DCLK1: variants seen among roughly 807,000 people sequenced by gnomAD.
DCLK1 encodes the protein doublecortin like kinase 1.
DCLK1 carries 16 observed loss-of-function variants against 86.2 expected under a neutral mutation model. That is an observed-to-expected ratio of 0.19 (90% CI 0.13 to 0.28). The LOEUF (loss-of-function observed/expected upper bound fraction) is 0.28, where lower values mean the gene tolerates loss of function less well. Ranked by LOEUF, DCLK1 falls within the 10% of genes least tolerant of loss-of-function variation. The pLI is 1.00. For synonymous variants in DCLK1, 369 were observed against 370.5 expected, an observed-to-expected ratio of 1.00 and a Z score of 0.05; for missense variants, 590 against 940.2, an observed-to-expected ratio of 0.63 and a Z score of 4.87.
At chr13:35,890,918 A>C (rs1027183636) in intron 4 of DCLK1, among the ~76,000 whole-genome samples, 1 of 151,112 alleles carries the variant, frequency 6.6e-6, no homozygotes, top group Non-Finnish European at 1.5e-5. Context: ...AAATATTCCA[A>C]TCAATATATT....
At chr13:35,929,863 CTTTTTTT>C (rs375433797) in intron 4 of DCLK1, among the ~76,000 whole-genome samples, 2 of 142,124 alleles carry the variant, frequency 1.4e-5, no homozygotes, top group African/African-American at 2.6e-5. Flanking sequence ...CATTTTTTTT[CTTTTTTT>C]TTTTTTTACT....
intron 9 of DCLK1, 65 bp downstream of exon 9, chr13:35,828,185 T>C (rs1868642821): frequency 1.5e-6 from 2 of 1,335,666 alleles, no homozygotes; most frequent in South Asian, 1.2e-5. Context: ...TGTTTGGGAG[T>C]GATCTTTGTG....
chr13:36,064,242 A>G (rs1009657780), intron 3 of DCLK1, among the ~76,000 whole-genome samples: 7 of 152,244 alleles, frequency 4.6e-5, no homozygotes, highest in Admixed American at 2.0e-4. Flanking sequence ...CACTGAATAC[A>G]CTGCAGCAAA....
chr13:35,821,341 T>C (rs1171176526), intron 11 of DCLK1, among the ~76,000 whole-genome samples: 1 of 152,086 alleles, frequency 6.6e-6, no homozygotes, highest in Admixed American at 6.6e-5. Context: ...CTCATCTGCT[T>C]TTAGACTTGA....
chr13:36,102,617 G>C (rs1484951573), intron 3 of DCLK1, among the ~76,000 whole-genome samples: 1 of 152,170 alleles, frequency 6.6e-6, no homozygotes, highest in Non-Finnish European at 1.5e-5. Flanking sequence ...TGGTGACTGT[G>C]CTCCCATTGA....
chr13:35,881,903 A>ATC (rs1440491083), intron 4 of DCLK1, among the ~76,000 whole-genome samples: 1 of 152,160 alleles, frequency 6.6e-6, no homozygotes, highest in Non-Finnish European at 1.5e-5. Context: ...AACATCTCCA[A>ATC]TCTCATGCTA....
intron 3 of DCLK1, among the ~76,000 whole-genome samples, chr13:36,045,758 C>T (rs1882889653): frequency 1.3e-5 from 2 of 151,618 alleles, no homozygotes; most frequent in African/African-American, 4.8e-5. Context: ...GATGCTGAGG[C>T]AGGGGGATTG....
At chr13:35,896,399 T>C (rs1365467871) in intron 4 of DCLK1, among the ~76,000 whole-genome samples, 1 of 151,548 alleles carries the variant, frequency 6.6e-6, no homozygotes, top group East Asian at 1.9e-4. Flanking sequence ...ATTAGACGGG[T>C]ATGGTGCATG....
intron 3 of DCLK1, among the ~76,000 whole-genome samples, chr13:36,002,417 T>C (rs1448707853): frequency 6.6e-6 from 1 of 152,202 alleles, no homozygotes; most frequent in Non-Finnish European, 1.5e-5. Flanking sequence ...AAAATAACCC[T>C]TACAGCTAAT....
chr13:35,861,805 TC>T (rs1003672404), intron 5 of DCLK1, among the ~76,000 whole-genome samples: 3 of 142,204 alleles, frequency 2.1e-5, no homozygotes, highest in Admixed American at 7.1e-5. Flanking sequence ...GGCAGGTAGA[TC>T]ACGAGGTCAG....
chr13:35,841,453 T>C (rs1869784755), intron 6 of DCLK1, among the ~76,000 whole-genome samples: 1 of 151,966 alleles, frequency 6.6e-6, no homozygotes, highest in African/African-American at 2.4e-5. Context: ...TGAATGCTTG[T>C]CACAATGCCA....
At chr13:35,793,763 C>A (rs1255616431) in intron 15 of DCLK1, among the ~76,000 whole-genome samples, 1 of 152,074 alleles carries the variant, frequency 6.6e-6, no homozygotes, top group Admixed American at 6.6e-5. Context: ...CTAATAAAAT[C>A]TATTCCAACC....
chr13:35,803,135 G>T (rs989279134), intron 15 of DCLK1, among the ~76,000 whole-genome samples: 1 of 152,148 alleles, frequency 6.6e-6, no homozygotes, highest in African/African-American at 2.4e-5. Flanking sequence ...AGGATATCTG[G>T]CTGCAAATTC....
At chr13:35,775,628 A>G (rs1388731658) in intron 16 of DCLK1, among the ~76,000 whole-genome samples, 2 of 152,214 alleles carry the variant, frequency 1.3e-5, no homozygotes, top group South Asian at 2.1e-4. Context: ...GAAGAAAAAT[A>G]TAGAACACAT....
rs577488557 is a variant in DCLK1, at chr13:35,769,396, C to T, written c.*5139G>A. 1.3e-5 allele frequency: 2 copies of T among 152,158 alleles called. No homozygotes were observed. Among genetic ancestry groups the T allele is most frequent in the African/African-American group, 4.8e-5 (2 of 41,448 alleles). The allele number at this position is 152,158 out of a possible 1,614,324, so 9.4% of individuals were successfully genotyped here. A position where few individuals can be genotyped will look rare whatever the true frequency, so the allele number is the denominator to read the frequency against. On this transcript the variant is annotated 3_prime_UTR_variant, in exon 17 of 17. Transcript: ENST00000360631. ...GCAAAATACTGTTGAATTTCACACT[C>T]AACTAATCCTTTAATAATTTTCTTT...
At position 36,023,672 on chromosome 13, in the gene DCLK1, T is replaced by C. The variant is rs146144163; in HGVS notation, c.724-76215A>G. Among the ~76,000 whole-genome samples the C allele has an allele frequency of 4.2e-3, 632 of 152,224 alleles. 4 individuals carry two copies. Among genetic ancestry groups the C allele is most frequent in the African/African-American group, 0.014 (590 of 41,538 alleles). On this transcript the variant is annotated intron_variant, in intron 3 of 16. Transcript: ENST00000360631. ...TTGATAAAAAAGGAAAAAAACCCACTTGAGCATCTCAATATAAGTAGAAAA... is the reference window on the plus strand; with the variant it reads ...TTGATAAAAAAGGAAAAAAACCCACCTGAGCATCTCAATATAAGTAGAAAA...
intron 3 of DCLK1, among the ~76,000 whole-genome samples, chr13:36,000,330 C>T (rs991625582): frequency 1.7e-4 from 26 of 152,098 alleles, no homozygotes; most frequent in Non-Finnish European, 2.5e-4. Context: ...GGATATCAAC[C>T]TGCAAGAACA....
At chr13:36,031,525 T>C (rs1264250735) in intron 3 of DCLK1, among the ~76,000 whole-genome samples, 1 of 152,204 alleles carries the variant, frequency 6.6e-6, no homozygotes, top group Non-Finnish European at 1.5e-5. Flanking sequence ...AAAAGATCAG[T>C]CCTGTGATTT....
intron 3 of DCLK1, among the ~76,000 whole-genome samples, chr13:36,070,310 A>G (rs1416250488): frequency 6.6e-6 from 1 of 152,178 alleles, no homozygotes; most frequent in Non-Finnish European, 1.5e-5. Context: ...ATTACAAGCA[A>G]CAAAGCCCAT....
Sources: allele counts gnomAD v4.1 joint callset (sites outside exome capture counted in the v4.1 genomes callset), GRCh38; gene constraint gnomAD v4.1.1; transcripts MANE v1.5; gene names NCBI Gene and HGNC (gene_info 2026-07-23, HGNC 2026-07-21).